The following SLIT3 variants were observed in gnomAD, a reference collection of about 807,000 sequenced individuals.
SLIT3 encodes the protein slit guidance ligand 3.
A neutral mutation model predicts 184.0 loss-of-function variants in SLIT3; 68 were observed. The observed-to-expected ratio is 0.37, with a 90% CI of 0.30 to 0.45. The LOEUF is 0.45. SLIT3 is among the 20% of genes least tolerant of loss of function. SLIT3 has a pLI of 1.00. For missense variants in SLIT3, 1,707 were observed against 2,026.0 expected, an observed-to-expected ratio of 0.84 and a Z score of 3.02; for synonymous variants, 831 against 828.6, an observed-to-expected ratio of 1.00 and a Z score of -0.05.
rs185980154 is a variant in SLIT3 at position 169,000,284 on chromosome 5, C to T, written c.414-116948G>A. On this transcript the variant is annotated intron_variant, in intron 4 of 35. Transcript: ENST00000519560. ...GTGTGTGCCTGCAGTCCCAGCTACTCGAAAGGCTGAGGCAGGAGAATCGCT... is the reference window on the plus strand; with the variant it reads ...GTGTGTGCCTGCAGTCCCAGCTACTTGAAAGGCTGAGGCAGGAGAATCGCT... Among the ~76,000 whole-genome samples the T allele has an allele frequency of 1.1e-3, 161 of 147,778 alleles. No individual in the cohort carries two copies. In the Middle Eastern group the frequency reaches 0.014, roughly 13 times the overall value.
At chr5:168,899,774 T>C (rs899048542) in intron 4 of SLIT3, among the ~76,000 whole-genome samples, 9 of 145,476 alleles carry the variant, frequency 6.2e-5, no homozygotes, top group Non-Finnish European at 1.4e-4. Flanking sequence ...TCTGAAACCT[T>C]AGCCAGGCCA....
At chr5:168,755,409 C>CTTTCTT (rs1561913365) in intron 16 of SLIT3, among the ~76,000 whole-genome samples, 1 of 22,498 alleles carries the variant, frequency 4.4e-5, no homozygotes, top group East Asian at 1.4e-3. Flanking sequence ...TTCTTTCTTT[C>CTTTCTT]TTTCTTTCTT....
chr5:168,752,803 G>A, intron 18 of SLIT3, 152 bp downstream of exon 18: 4 of 706,860 alleles, frequency 5.7e-6, no homozygotes, highest in Non-Finnish European at 7.2e-6. Flanking sequence ...ACACCTAGAC[G>A]ATGCCTGCCT....
At chr5:169,257,346 C>G (rs1252198133) in intron 1 of SLIT3, among the ~76,000 whole-genome samples, 4 of 151,470 alleles carry the variant, frequency 2.6e-5, no homozygotes, top group Non-Finnish European at 5.9e-5. Context: ...GGCCTCTCCT[C>G]CTTTGGATCC....
At chr5:169,248,034 C>T (rs1287798812) in intron 2 of SLIT3, among the ~76,000 whole-genome samples, 1 of 151,988 alleles carries the variant, frequency 6.6e-6, no homozygotes, top group Non-Finnish European at 1.5e-5. Flanking sequence ...GGGGGATTTA[C>T]TCTTCTCCTT....
Position 169,204,809 on chromosome 5 carries a change from A to AAGGAAAGGTGAGACATCGCTGCTT in SLIT3, c.342-11283_342-11260dup. The stretch of plus-strand genomic sequence containing the variant: ...GAGATGAGGAGGTATGATGACTGAG[A>AAGGAAAGGTGAGACATCGCTGCTT]AGGAAAGGTGAGACATCGCTGCTTA... On this transcript the variant is annotated intron_variant, in intron 3 of 35. Transcript: ENST00000519560. Among the ~76,000 whole-genome samples the AAGGAAAGGTGAGACATCGCTGCTT allele has an allele frequency of 2.0e-5, 3 of 152,252 alleles. No individual in the cohort carries two copies. The East Asian group carries it at 5.8e-4, about 29-fold the overall frequency.
intron 4 of SLIT3, among the ~76,000 whole-genome samples, chr5:169,171,851 C>T (rs184758571): frequency 6.6e-6 from 1 of 152,248 alleles, no homozygotes; most frequent in East Asian, 1.9e-4. Flanking sequence ...TTCCAACAAC[C>T]CACCCAGAAT....
intron 20 of SLIT3, among the ~76,000 whole-genome samples, chr5:168,730,272 A>G (rs1201655465): frequency 6.6e-6 from 1 of 152,136 alleles, no homozygotes; most frequent in Non-Finnish European, 1.5e-5. Context: ...ACAATACAAT[A>G]ATAGTAGGGT....
chr5:169,214,011 G>A (rs1764354949), intron 3 of SLIT3, among the ~76,000 whole-genome samples: 2 of 152,154 alleles, frequency 1.3e-5, no homozygotes, highest in African/African-American at 4.8e-5. Flanking sequence ...CATCCACTTG[G>A]TGGTGAGAGC....
At chr5:169,007,710 C>A (rs1052338642) in intron 4 of SLIT3, among the ~76,000 whole-genome samples, 1 of 152,206 alleles carries the variant, frequency 6.6e-6, no homozygotes, top group South Asian at 2.1e-4. Flanking sequence ...CTCTTAATAG[C>A]GTTTCTTCCC....
At chr5:169,188,453 C>T (rs1009332258) in intron 4 of SLIT3, among the ~76,000 whole-genome samples, 1 of 152,204 alleles carries the variant, frequency 6.6e-6, no homozygotes, top group Admixed American at 6.5e-5. Flanking sequence ...GATCATGCTC[C>T]ATCCTGTCCT....
intron 12 of SLIT3, among the ~76,000 whole-genome samples, chr5:168,782,979 C>T (rs1756026506): frequency 6.6e-6 from 1 of 152,082 alleles, no homozygotes; most frequent in African/African-American, 2.4e-5. Context: ...TTCTAGAAAC[C>T]ATTACGATGT....
intron 4 of SLIT3, among the ~76,000 whole-genome samples, chr5:168,997,794 T>C (rs79940079): frequency 0.035 from 5,317 of 152,248 alleles, 111 homozygotes; most frequent in Middle Eastern, 0.051. Flanking sequence ...ACATGGGGAT[T>C]CAAGTGTCAA....
chr5:168,820,697 G>A (rs1487013114), intron 7 of SLIT3, among the ~76,000 whole-genome samples: 3 of 152,128 alleles, frequency 2.0e-5, no homozygotes, highest in Non-Finnish European at 4.4e-5. Context: ...TTTTGCTGAT[G>A]GACACATCAT....
chr5:168,937,879 CATTT>C (rs773044328), intron 4 of SLIT3, among the ~76,000 whole-genome samples: 1 of 140,598 alleles, frequency 7.1e-6, no homozygotes, highest in African/African-American at 3.1e-5. Flanking sequence ...AATCATTATG[CATTT>C]TTTTTTTTTC....
intron 5 of SLIT3, among the ~76,000 whole-genome samples, chr5:168,863,836 C>T (rs572153321): frequency 2.0e-5 from 3 of 152,228 alleles, no homozygotes; most frequent in African/African-American, 7.2e-5. Context: ...CCCTTCTGCC[C>T]CGTTCCCCAA....
At chr5:168,977,574 G>T (rs1754811685) in intron 4 of SLIT3, among the ~76,000 whole-genome samples, 1 of 152,108 alleles carries the variant, frequency 6.6e-6, no homozygotes, top group African/African-American at 2.4e-5. Flanking sequence ...TACAGACAAA[G>T]GGCACAAAAG....
At chr5:168,804,602 G>C (rs995841296) in intron 9 of SLIT3, among the ~76,000 whole-genome samples, 3 of 152,148 alleles carry the variant, frequency 2.0e-5, no homozygotes, top group African/African-American at 7.2e-5. Context: ...AAGGTGGAGG[G>C]CCGCAGAAGG....
intron 4 of SLIT3, among the ~76,000 whole-genome samples, chr5:169,172,763 C>T (rs1762856195): frequency 1.3e-5 from 2 of 152,254 alleles, no homozygotes; most frequent in South Asian, 4.1e-4. Flanking sequence ...TAGCGCTGTA[C>T]TAAACCCTGC....
Sources: gnomAD v4.1 joint callset for allele counts (sites outside exome capture counted in the v4.1 genomes callset) on GRCh38, gnomAD v4.1.1 for gene constraint, MANE v1.5 for transcripts, NCBI Gene and HGNC (gene_info 2026-07-23, HGNC 2026-07-21) for gene names.